Variants in HS2ST1 observed in about 807,000 individuals in gnomAD.
HS2ST1 encodes the protein heparan sulfate 2-O-sulfotransferase 1, also known as 2-O-sulfotransferase.
HS2ST1 carries 18 observed loss-of-function variants against 42.9 expected under a neutral mutation model. The observed-to-expected ratio is 0.42, with a 90% confidence interval of 0.29 to 0.62. The LOEUF is 0.62. HS2ST1 is among the 20% of genes least tolerant of loss of function. HS2ST1 has a pLI of 0.21. For missense variants in HS2ST1, 334 were observed against 433.8 expected (o/e 0.77, Z 2.04); for synonymous variants, 146 against 152.9 (o/e 0.95, Z 0.33).
intron 1 of HS2ST1, among the ~76,000 whole-genome samples, chr1:86,995,776 A>T (rs1044045120): frequency 6.6e-6 from 1 of 152,102 alleles, no homozygotes; most frequent in Non-Finnish European, 1.5e-5. Context: ...CTCTTTAGGG[A>T]TAGCAAAAAA....
intron 4 of HS2ST1, among the ~76,000 whole-genome samples, chr1:87,092,892 C>T (rs143172157): frequency 4.0e-5 from 6 of 151,692 alleles, no homozygotes; most frequent in East Asian, 3.9e-4. Flanking sequence ...TTTTCCAGGG[C>T]GGAATCGTGT....
At chr1:87,084,116 CTA>C (rs1193523760) in intron 2 of HS2ST1, 76 bp from the exon 3 acceptor site, 2 of 918,012 alleles carry the variant, frequency 2.2e-6, no homozygotes, top group Admixed American at 2.6e-5. Flanking sequence ...TTTTAAATTC[CTA>C]TCTTGGAAAT....
At chr1:86,989,070 G>A (rs1213810653) in intron 1 of HS2ST1, among the ~76,000 whole-genome samples, 10 of 152,152 alleles carry the variant, frequency 6.6e-5, no homozygotes, top group Admixed American at 1.3e-4. Context: ...TGGTGCGGAG[G>A]CAGACACCCT....
intron 1 of HS2ST1, among the ~76,000 whole-genome samples, chr1:86,971,394 G>C (rs1648230800): frequency 6.6e-6 from 1 of 151,990 alleles, no homozygotes; most frequent in Non-Finnish European, 1.5e-5. Flanking sequence ...CAATAAAACG[G>C]ACCACCTCCT....
rs548810859 is a variant in HS2ST1, at chr1:86,953,581, G to A, written c.124+38421G>A. Among the ~76,000 whole-genome samples, 5 of 151,838 alleles carry A rather than the reference G, an allele frequency of 3.3e-5. No homozygotes were observed. In the East Asian group the frequency reaches 7.8e-4, roughly 24 times the overall value. The stretch of plus-strand genomic sequence containing the variant: ...TTGTGACCAGCCTGGCCAACATGGT[G>A]AAACCCTGTCTCTACTAAAAATACA... On this transcript the variant is annotated intron_variant, in intron 1 of 6. Transcript: ENST00000370550.
Position 86,982,924 on chromosome 1 carries a change from C to T in HS2ST1, c.124+67764C>T, listed in dbSNP as rs565998427. On this transcript the variant is annotated intron_variant, in intron 1 of 6. Coordinates refer to ENST00000370550, the MANE Select transcript of HS2ST1 (RefSeq NM_012262.4). ...CAGATCTCTAGGGCAGAGGAAAATG[C>T]CACCAGTCTCTTTGCTAAAGCATAG... Among the ~76,000 whole-genome samples the T allele has an allele frequency of 3.9e-5, 6 of 152,322 alleles. 1 individual carries two copies. In the South Asian group the frequency reaches 1.2e-3, roughly 32 times the overall value.
At chr1:87,047,522 TA>T (rs1485965763) in intron 1 of HS2ST1, among the ~76,000 whole-genome samples, 1 of 152,208 alleles carries the variant, frequency 6.6e-6, no homozygotes, top group Non-Finnish European at 1.5e-5. Context: ...GTTTCTTCTA[TA>T]AGTTTTATAA....
At chr1:87,036,784 A>G (rs1479674275) in intron 1 of HS2ST1, among the ~76,000 whole-genome samples, 1 of 152,148 alleles carries the variant, frequency 6.6e-6, no homozygotes, top group Non-Finnish European at 1.5e-5. Flanking sequence ...CATTTGCTGA[A>G]TGAATGAATG....
chr1:86,973,196 T>A (rs1648287925), intron 1 of HS2ST1, among the ~76,000 whole-genome samples: 1 of 151,792 alleles, frequency 6.6e-6, no homozygotes, highest in Non-Finnish European at 1.5e-5. Context: ...CTTAAATTTT[T>A]TTTTTAATTT....
chr1:87,102,348 G>A (rs1424289068), intron 5 of HS2ST1, among the ~76,000 whole-genome samples: 5 of 152,028 alleles, frequency 3.3e-5, no homozygotes, highest in South Asian at 2.1e-4. Flanking sequence ...GTGAGCCACC[G>A]CACCAGGCCC....
intron 1 of HS2ST1, among the ~76,000 whole-genome samples, chr1:87,042,603 G>A (rs1180559263): frequency 6.6e-6 from 1 of 152,044 alleles, no homozygotes; most frequent in Non-Finnish European, 1.5e-5. Context: ...TAACTAGAGA[G>A]AGGAAGTACT....
chr1:87,078,714 A>C (rs937283042), intron 2 of HS2ST1, among the ~76,000 whole-genome samples: 56 of 152,242 alleles, frequency 3.7e-4, no homozygotes, highest in African/African-American at 1.2e-3. Context: ...GAATCCATAA[A>C]GTGAACTGAG....
At chr1:87,012,271 A>G (rs2100579219) in intron 1 of HS2ST1, among the ~76,000 whole-genome samples, 1 of 152,300 alleles carries the variant, frequency 6.6e-6, no homozygotes, top group East Asian at 1.9e-4. Flanking sequence ...TTTATAAAGG[A>G]AAGAGGTTTA....
At chr1:86,925,872 T>G (rs541488517) in intron 1 of HS2ST1, among the ~76,000 whole-genome samples, 15 of 152,346 alleles carry the variant, frequency 9.8e-5, no homozygotes, top group Non-Finnish European at 1.6e-4. Flanking sequence ...TTCTATTGAT[T>G]TGCTTTTCTC....
intron 2 of HS2ST1, among the ~76,000 whole-genome samples, chr1:87,083,599 TTAAA>T (rs1418877450): frequency 2.6e-5 from 4 of 152,214 alleles, no homozygotes; most frequent in Admixed American, 6.5e-5. Context: ...TTCCAATAAG[TTAAA>T]TATTTAGAAA....
At chr1:87,004,528 G>C (rs1414976249) in intron 1 of HS2ST1, among the ~76,000 whole-genome samples, 1 of 152,068 alleles carries the variant, frequency 6.6e-6, no homozygotes, top group Non-Finnish European at 1.5e-5. Context: ...GGGGCTGTTA[G>C]AGGAATGCAT....
intron 1 of HS2ST1, among the ~76,000 whole-genome samples, chr1:86,922,828 G>T (rs1252392619): frequency 6.6e-6 from 1 of 151,946 alleles, no homozygotes; most frequent in Non-Finnish European, 1.5e-5. Flanking sequence ...TATGTTTCTT[G>T]TGCCTGGGGT....
chr1:87,030,373 T>C (rs183059235), intron 1 of HS2ST1, among the ~76,000 whole-genome samples: 1 of 152,186 alleles, frequency 6.6e-6, no homozygotes, highest in Non-Finnish European at 1.5e-5. Context: ...TGGTGTGTGC[T>C]TGTAGTCCTA....
At chr1:86,966,731 C>A (rs1160117661) in intron 1 of HS2ST1, among the ~76,000 whole-genome samples, 3 of 152,188 alleles carry the variant, frequency 2.0e-5, no homozygotes, top group African/African-American at 7.2e-5. Context: ...CCAGCACATG[C>A]TACCATGCCC....
Sources: gnomAD v4.1 joint callset for allele counts (sites outside exome capture counted in the v4.1 genomes callset) on GRCh38, gnomAD v4.1.1 for gene constraint, MANE v1.5 for transcripts, NCBI Gene and HGNC (gene_info 2026-07-23, HGNC 2026-07-21) for gene names.